DAAM2: variants seen among roughly 807,000 people sequenced by gnomAD.
The protein encoded by DAAM2 is disheveled-associated activator of morphogenesis 2.
Under a neutral mutation model 120.7 loss-of-function variants are expected in DAAM2, and 39 were observed. The observed-to-expected ratio is 0.32, with a 90% CI of 0.25 to 0.42. DAAM2 has a LOEUF of 0.42. Ranked by LOEUF, DAAM2 falls within the 10% of genes least tolerant of loss-of-function variation. The pLI, the probability that DAAM2 is intolerant of heterozygous loss-of-function variation, is 1.00. For synonymous variants in DAAM2, 488 were observed against 524.9 expected, an observed-to-expected ratio of 0.93 and a Z score of 0.96; for missense variants, 1,283 against 1,401.7, an observed-to-expected ratio of 0.92 and a Z score of 1.35.
intron 14 of DAAM2, chr6:39,882,031 C>T (rs913002067): frequency 2.6e-5 from 4 of 151,948 alleles, no homozygotes; most frequent in African/African-American, 9.7e-5. Flanking sequence ...CAGTGCACCA[C>T]GGGGGAAACA....
rs1170431194 is a variant in DAAM2, at chr6:39,901,609, GGAGA to G, written c.2982+142_2982+145del. 9.1e-7 allele frequency: 1 copy of G among 1,104,634 alleles called. No homozygotes were observed. The highest frequency in any genetic ancestry group is 1.3e-6 in the Non-Finnish European group (1 of 794,410). The allele number at this position is 1,104,634 out of a possible 1,614,324, so 68.4% of individuals were successfully genotyped here. A position where few individuals can be genotyped will look rare whatever the true frequency, so the allele number is the denominator to read the frequency against. The stretch of plus-strand genomic sequence containing the variant: ...CCATAGGGGTTGGATGTCAGCCCCA[GGAGA>G]GAGAAACTTCTTCCCAGCCTGAGGG... On this transcript the variant is annotated intron_variant, in intron 24 of 24. Coordinates refer to ENST00000274867, the MANE Select transcript of DAAM2 (RefSeq NM_001201427.2). The surrounding 1 kb of genome is among the most constrained non-coding windows in gnomAD (Gnocchi z 4.5).
At position 39,879,357 on chromosome 6, in the gene DAAM2, C is replaced by T. The variant is rs777314846; in HGVS notation, c.1725C>T (p.Leu575=). 6.8e-6 allele frequency: 11 copies of T among 1,611,516 alleles called. No individual in the cohort carries two copies. The highest frequency in any genetic ancestry group is 2.2e-5 in the East Asian group (1 of 44,788). The part of the protein sequence containing the change: ...PPTPPGAPPC[L]GMGLPLPQDP... Reference sequence around the variant, plus strand: ...CTCCCCCAGGTGCCCCACCTTGCCTCGGCATGGGCCTGCCCCTCCCTCAGG... The same window carrying T: ...CTCCCCCAGGTGCCCCACCTTGCCTTGGCATGGGCCTGCCCCTCCCTCAGG... Residue 575 remains leucine (L), a synonymous_variant, in exon 14 of 25, where the codon CTC becomes CTT. Transcript: ENST00000274867.
intron 1 of DAAM2, among the ~76,000 whole-genome samples, chr6:39,805,798 C>T (rs1409389941): frequency 3.9e-5 from 6 of 152,094 alleles, no homozygotes; most frequent in South Asian, 2.1e-4. Flanking sequence ...ATGATCCACC[C>T]GCCTTGGCCT....
chr6:39,799,817 C>G (rs561834429), intron 1 of DAAM2, among the ~76,000 whole-genome samples: 1 of 152,154 alleles, frequency 6.6e-6, no homozygotes, highest in East Asian at 1.9e-4. Flanking sequence ...TGTATTCACC[C>G]CCTTCTACAC....
chr6:39,889,596 A>G (rs1458490240), intron 17 of DAAM2, among the ~76,000 whole-genome samples: 8 of 152,192 alleles, frequency 5.3e-5, no homozygotes, highest in Admixed American at 2.6e-4. Context: ...ATAAATACAC[A>G]AGAATAAAGT....
chr6:39,861,382 G>A (rs889590854), intron 3 of DAAM2: 1 of 363,738 alleles, frequency 2.7e-6, no homozygotes, highest in Non-Finnish European at 5.4e-6. Context: ...ATCAGTTTGG[G>A]GGGCAGGGAT....
intron 1 of DAAM2, chr6:39,819,118 A>G (rs930390421): frequency 7.2e-5 from 11 of 152,204 alleles, no homozygotes; most frequent in African/African-American, 1.9e-4. Flanking sequence ...TTTTGCATGC[A>G]CTAACTCACA....
At chr6:39,855,361 G>A (rs145039863) in intron 1 of DAAM2, among the ~76,000 whole-genome samples, 1 of 152,256 alleles carries the variant, frequency 6.6e-6, no homozygotes, top group African/African-American at 2.4e-5. Flanking sequence ...GCGAGCCAAA[G>A]CCTTGACCCT....
In DAAM2 at chr6:39,904,689, ACTAT is replaced by A. The variant is rs112059918; in HGVS notation, c.*2659_*2662del. 0.015 allele frequency: 6,840 copies of A among 453,978 alleles called. 290 individuals carry two copies. The highest frequency in any genetic ancestry group is 0.11 in the African/African-American group (5,268 of 50,076). The allele number at this position is 453,978 out of a possible 1,614,324, so 28.1% of individuals were successfully genotyped here. A position where few individuals can be genotyped will look rare whatever the true frequency, so the allele number is the denominator to read the frequency against. ...CATTTCCACCAACTGGGGAACTGTG[ACTAT>A]CTATCTCCCCCGACTTCTACCAGGG... On this transcript the variant is annotated 3_prime_UTR_variant, in exon 25 of 25. Transcript: ENST00000274867.
chr6:39,897,030 C>A, intron 20 of DAAM2, 50 bp downstream of exon 20: 1 of 1,571,080 alleles, frequency 6.4e-7, no homozygotes. Context: ...CTCACCCTAC[C>A]CTGGCCTCTC....
At chr6:39,820,172 C>T (rs1356315576) in intron 1 of DAAM2, 4 of 144,042 alleles carry the variant, frequency 2.8e-5, no homozygotes, top group African/African-American at 5.1e-5. Flanking sequence ...CTTATGGAAA[C>T]CTCTGGTAAT....
At chr6:39,845,424 C>T (rs1347739628) in intron 1 of DAAM2, among the ~76,000 whole-genome samples, 1 of 15,432 alleles carries the variant, frequency 6.5e-5, no homozygotes, top group Non-Finnish European at 1.7e-4. Flanking sequence ...ACACACCACA[C>T]ACTCACCACA....
At chr6:39,815,469 A>G (rs1461612530) in intron 1 of DAAM2, among the ~76,000 whole-genome samples, 2 of 152,154 alleles carry the variant, frequency 1.3e-5, no homozygotes, top group African/African-American at 2.4e-5. Flanking sequence ...TGAAATAACC[A>G]TGGTATTCCC....
In DAAM2 at chr6:39,873,261, T is replaced by G; in HGVS notation, c.1068T>G (p.Ala356=). The G allele has an allele frequency of 6.2e-7, 1 of 1,613,036 alleles. No individual in the cohort carries two copies. Among genetic ancestry groups the G allele is most frequent in the South Asian group, 1.1e-5 (1 of 90,684 alleles). The change falls in exon 10 of 25, where the codon GCT becomes GCG. Residue 356 remains alanine, a synonymous_variant. Transcript: ENST00000274867. ...FDMVHIDTKS[A]SQMFELIHKK... ...AGGTCCACATCGACACCAAGAGTGC[T>G]TCCCAGATGTTTGAGTTGATCCACA... is the stretch of plus-strand genomic sequence containing the variant.
At chr6:39,793,621 CCT>C (rs1761614479) in intron 1 of DAAM2, among the ~76,000 whole-genome samples, 1 of 152,124 alleles carries the variant, frequency 6.6e-6, no homozygotes, top group African/African-American at 2.4e-5. Context: ...GTGTTTTCCC[CCT>C]TCTGAGTTTG....
At chr6:39,891,811 A>C (rs866894603) in intron 19 of DAAM2, 89 bp downstream of exon 19, 9 of 976,064 alleles carry the variant, frequency 9.2e-6, no homozygotes, top group Non-Finnish European at 7.6e-6. Flanking sequence ...GGCAGAGGGA[A>C]ACCCCTTTCT....
chr6:39,844,812 A>G (rs1469184125), intron 1 of DAAM2, among the ~76,000 whole-genome samples: 1 of 151,952 alleles, frequency 6.6e-6, no homozygotes, highest in Non-Finnish European at 1.5e-5. Context: ...AGTTCTTTCT[A>G]CTTAGATTTG....
chr6:39,860,868 G>A, intron 2 of DAAM2, 60 bp from the exon 3 acceptor site: 1 of 1,352,404 alleles, frequency 7.4e-7, no homozygotes, highest in Non-Finnish European at 1.0e-6. Context: ...CTGCAGGGCT[G>A]ACTATTCTAA....
rs1766154382 is a variant in DAAM2 at position 39,897,125 on chromosome 6, CG to C, written c.2511-49del. On this transcript the variant is annotated intron_variant, in intron 20 of 24. Transcript: ENST00000274867. Reference sequence around the variant, plus strand: ...CTCCATCCTCTGACCCTCTGACCCTCGTGCCCAGTTTCCTCTGTCACTTACC... The same window carrying C: ...CTCCATCCTCTGACCCTCTGACCCTCTGCCCAGTTTCCTCTGTCACTTACC... The C allele has an allele frequency of 1.9e-6, 3 of 1,540,722 alleles. No homozygotes were observed. The African/African-American group carries it at 4.1e-5, about 21-fold the overall frequency.
Sources: gnomAD v4.1 joint callset for allele counts (sites outside exome capture counted in the v4.1 genomes callset) on GRCh38, gnomAD v4.1.1 for gene constraint, Gnocchi (gnomAD v3.1) non-coding constraint, MANE v1.5 for transcripts, NCBI Gene and HGNC (gene_info 2026-07-23, HGNC 2026-07-21) for gene names.